The following ZNF236 variants were observed in gnomAD, a reference collection of about 807,000 sequenced individuals.
ZNF236 encodes zinc finger protein 236.
Under a neutral mutation model 191.2 loss-of-function variants are expected in ZNF236, and 50 were observed. The observed-to-expected ratio is 0.26, with a 90% CI of 0.21 to 0.33. ZNF236 has a LOEUF of 0.33. Ranked by LOEUF, ZNF236 falls within the 10% of genes least tolerant of loss-of-function variation. The pLI, the probability that ZNF236 is intolerant of heterozygous loss-of-function variation, is 1.00. For missense variants in ZNF236, 1,754 were observed against 2,374.5 expected, an observed-to-expected ratio of 0.74 and a Z score of 5.43; for synonymous variants, 907 against 928.8, an observed-to-expected ratio of 0.98 and a Z score of 0.43.
At chr18:76,959,106 A>C (rs1438025720) in intron 28 of ZNF236, among the ~76,000 whole-genome samples, 1 of 152,262 alleles carries the variant, frequency 6.6e-6, no homozygotes, top group Non-Finnish European at 1.5e-5. Flanking sequence ...TGCCAATCAC[A>C]ACAGGAGAAG....
intron 1 of ZNF236, chr18:76,824,227 ATGTAAACTTATTCATAG>A (rs1974953052): frequency 1.3e-6 from 1 of 754,446 alleles, no homozygotes; most frequent in African/African-American, 1.7e-5. Context: ...GTAGGAATCA[ATGTAAACTTATTCATAG>A]GCCACACCAA....
chr18:76,953,973 T>C (rs979161847), intron 27 of ZNF236, among the ~76,000 whole-genome samples: 1 of 152,210 alleles, frequency 6.6e-6, no homozygotes, highest in African/African-American at 2.4e-5. Context: ...AATAACCTGC[T>C]GTGGGAAGCA....
Position 76,889,778 on chromosome 18 carries a change from G to C in ZNF236, c.1418-5235G>C, listed in dbSNP as rs1316746531. Reference sequence around the variant, plus strand: ...ACACAGTGGTGTCCACAGAACTTCTGTGAGGGGTCTTCTGCCACCCCTCCC... The same window carrying C: ...ACACAGTGGTGTCCACAGAACTTCTCTGAGGGGTCTTCTGCCACCCCTCCC... On this transcript the variant is annotated intron_variant, in intron 9 of 30. Transcript: ENST00000320610. Among the ~76,000 whole-genome samples the C allele has an allele frequency of 1.9e-4, 29 of 152,326 alleles. No homozygotes were observed. In the East Asian group the frequency reaches 4.8e-3, roughly 25 times the overall value.
At chr18:76,825,690 A>C (rs1299433486) in intron 1 of ZNF236, among the ~76,000 whole-genome samples, 1 of 152,280 alleles carries the variant, frequency 6.6e-6, no homozygotes, top group African/African-American at 2.4e-5. Context: ...TAAATATTTT[A>C]AAAATTGCTT....
intron 11 of ZNF236, among the ~76,000 whole-genome samples, chr18:76,903,164 A>G (rs1977649085): frequency 2.6e-5 from 4 of 152,236 alleles, no homozygotes; most frequent in South Asian, 2.1e-4. Flanking sequence ...ATAATGAGCT[A>G]GGTGAAATTG....
chr18:76,953,617 T>C (rs1278430772), intron 27 of ZNF236, among the ~76,000 whole-genome samples: 1 of 152,324 alleles, frequency 6.6e-6, no homozygotes, highest in East Asian at 1.9e-4. Context: ...CATTTACACC[T>C]GGATTTCCTG....
At chr18:76,878,438 TTTAAA>T (rs1208279482) in intron 7 of ZNF236, among the ~76,000 whole-genome samples, 2 of 152,380 alleles carry the variant, frequency 1.3e-5, no homozygotes, top group East Asian at 1.9e-4. Context: ...TTGAATATTC[TTTAAA>T]TTATAATTTA....
chr18:76,967,073 T>C (rs1256157879), intron 30 of ZNF236, among the ~76,000 whole-genome samples: 1 of 140,408 alleles, frequency 7.1e-6, no homozygotes, highest in African/African-American at 2.7e-5. Flanking sequence ...AGATGTGTTA[T>C]TTGGTTGTTG....
chr18:76,942,983 C>A (rs1165743196), intron 26 of ZNF236, among the ~76,000 whole-genome samples: 8 of 150,422 alleles, frequency 5.3e-5, no homozygotes, highest in African/African-American at 1.9e-4. Flanking sequence ...ATTAGCCAGG[C>A]GTGGTGGCGG....
At position 76,919,636 on chromosome 18, in the gene ZNF236, C is replaced by T. The variant is rs1967477771; in HGVS notation, c.3275-140C>T. ...TCTCAATAGAGGTGGGAAAATATAG[C>T]AACTCTCTACCATCATAAAAATAGC... On this transcript the variant is annotated intron_variant, in intron 19 of 30. Transcript: ENST00000320610. The surrounding 1 kb of genome is among the most constrained non-coding windows in gnomAD (Gnocchi z 5.3). The T allele has an allele frequency of 9.7e-7, 1 of 1,030,862 alleles. No homozygotes were observed. The highest frequency in any genetic ancestry group is 2.7e-5 in the Admixed American group (1 of 37,090). The allele number at this position is 1,030,862 out of a possible 1,614,324, so 63.9% of individuals were successfully genotyped here.
At chr18:76,874,750 C>T (rs1021169551) in intron 5 of ZNF236, among the ~76,000 whole-genome samples, 8 of 144,712 alleles carry the variant, frequency 5.5e-5, no homozygotes, top group African/African-American at 2.1e-4. Context: ...AAGAACCGCC[C>T]AGGCGGCGGA....
chr18:76,944,280 G>A (rs1301288823), intron 26 of ZNF236, among the ~76,000 whole-genome samples: 1 of 152,172 alleles, frequency 6.6e-6, no homozygotes, highest in Non-Finnish European at 1.5e-5. Flanking sequence ...CAAAATTCAT[G>A]TGCTCCAGGG....
intron 3 of ZNF236, among the ~76,000 whole-genome samples, chr18:76,867,350 T>G (rs1976447748): frequency 6.6e-6 from 1 of 152,086 alleles, no homozygotes; most frequent in African/African-American, 2.4e-5. Flanking sequence ...CCTTAAATTA[T>G]TATACAATAA....
rs1192090898 is a variant in ZNF236 at position 76,912,351 on chromosome 18, G to A, written c.2909+4G>A. ...ACCAGAGCAGGCGCTCTTACAGGTA[G>A]TTGTCTGCACAGACCAGCTCATGGT... is the stretch of plus-strand genomic sequence containing the variant. On this transcript the variant is annotated splice_donor_region_variant and intron_variant, in intron 17 of 30. Transcript: ENST00000320610. 1.2e-6 allele frequency: 2 copies of A among 1,611,824 alleles called. No homozygotes were observed. The highest frequency in any genetic ancestry group is 1.3e-5 in the African/African-American group (1 of 74,884).
At chr18:76,836,149 GC>G (rs1599313986) in intron 1 of ZNF236, among the ~76,000 whole-genome samples, 1 of 152,064 alleles carries the variant, frequency 6.6e-6, no homozygotes. Flanking sequence ...CTCGTGATCT[GC>G]CCACCTCGGC....
intron 9 of ZNF236, among the ~76,000 whole-genome samples, chr18:76,890,968 T>C (rs77590351): frequency 2.6e-5 from 4 of 152,178 alleles, no homozygotes; most frequent in Non-Finnish European, 5.9e-5. Flanking sequence ...GGAGATATAT[T>C]TTCTCTTCTT....
chr18:76,914,920 A>G (rs1329218485), intron 18 of ZNF236, among the ~76,000 whole-genome samples: 4 of 152,228 alleles, frequency 2.6e-5, no homozygotes, highest in Admixed American at 2.6e-4. Context: ...GCTTAGAAAC[A>G]TAGAGCCAAG....
chr18:76,895,340 T>C, intron 10 of ZNF236, 55 bp downstream of exon 10: 1 of 1,584,782 alleles, frequency 6.3e-7, no homozygotes, highest in Non-Finnish European at 8.5e-7. Context: ...CCACACACAT[T>C]ACTGCGCACA....
chr18:76,921,240 G>A (rs931726628), intron 20 of ZNF236, among the ~76,000 whole-genome samples: 1 of 152,212 alleles, frequency 6.6e-6, no homozygotes, highest in African/African-American at 2.4e-5. Context: ...GAGTGACAAT[G>A]AGGGAGGTCA....
Sources: gnomAD v4.1 joint callset for allele counts (sites outside exome capture counted in the v4.1 genomes callset) on GRCh38, gnomAD v4.1.1 for gene constraint, Gnocchi (gnomAD v3.1) non-coding constraint, MANE v1.5 for transcripts, NCBI Gene and HGNC (gene_info 2026-07-23, HGNC 2026-07-21) for gene names.